NADSYN1: variants seen among roughly 807,000 people sequenced by gnomAD.
NADSYN1 encodes NAD synthetase 1.
In NADSYN1, 80 loss-of-function variants were observed where a neutral mutation model predicts 99.3. The ratio of observed to expected loss-of-function variants is 0.81; its 90% CI spans 0.67 to 0.97. The LOEUF (loss-of-function observed/expected upper bound fraction) is 0.97, where lower values mean the gene tolerates loss of function less well. Ranked by LOEUF, NADSYN1 falls within the 50% of genes least tolerant of loss-of-function variation. The probability of loss-of-function intolerance (pLI) is 0.00; values close to 1 mark genes in which losing one functional copy is unlikely to be tolerated. For missense variants in NADSYN1, 859 were observed against 948.5 expected (o/e 0.91, Z 1.24); for synonymous variants, 385 against 372.1 (o/e 1.03, Z -0.40).
intron 10 of NADSYN1, chr11:71,478,814 G>A (rs1364348057): frequency 1.8e-5 from 5 of 274,250 alleles, no homozygotes; most frequent in African/African-American, 4.3e-5. Context: ...GGCAAGCGTG[G>A]TAGGAACAGG....
Position 71,453,246 on chromosome 11 carries a change from C to G in NADSYN1, c.-51C>G, listed in dbSNP as rs1453022974. 7 of 1,545,072 alleles carry G rather than the reference C, an allele frequency of 4.5e-6. No homozygotes were observed. The highest frequency in any genetic ancestry group is 2.3e-5 in the South Asian group (2 of 88,300). ...TCCCAGCCGCCTACCTCGCTGGGAC[C>G]CTGGTCTTGCTGTCCCCCGCTGGCC... On this transcript the variant is annotated 5_prime_UTR_variant, in exon 1 of 21. Coordinates refer to ENST00000319023, the MANE Select transcript of NADSYN1 (RefSeq NM_018161.5).
intron 18 of NADSYN1, among the ~76,000 whole-genome samples, chr11:71,494,637 G>A (rs978872804): frequency 2.3e-4 from 35 of 152,060 alleles, no homozygotes; most frequent in African/African-American, 7.3e-4. Flanking sequence ...TGAAACCTCC[G>A]CCTCCCGGGT....
chr11:71,476,165 C>T (rs1949664124), intron 9 of NADSYN1: 2 of 454,452 alleles, frequency 4.4e-6, no homozygotes, highest in African/African-American at 4.0e-5. Context: ...GGGCTCAGAC[C>T]ACACGCGGGT....
At chr11:71,471,461 G>A (rs140892258) in intron 5 of NADSYN1, among the ~76,000 whole-genome samples, 6 of 152,322 alleles carry the variant, frequency 3.9e-5, no homozygotes, top group Admixed American at 2.0e-4. Flanking sequence ...CAAGGTGTGC[G>A]CTGGCTGTGG....
At chr11:71,474,353 G>A (rs776983795) in intron 8 of NADSYN1, 42 bp from the exon 9 acceptor site, 2 of 1,612,290 alleles carry the variant, frequency 1.2e-6, no homozygotes, top group South Asian at 2.2e-5. Context: ...TGAGGGTGGT[G>A]GACACAGCTG....
At chr11:71,497,433 C>G (rs1179994736) in intron 18 of NADSYN1, 50 bp from the exon 19 acceptor site, 1 of 1,611,942 alleles carries the variant, frequency 6.2e-7, no homozygotes, top group Admixed American at 1.7e-5. Flanking sequence ...TTAGGCTCTC[C>G]CCCCGCTGTG....
intron 3 of NADSYN1, chr11:71,460,928 G>A (rs1372745739): frequency 6.6e-6 from 1 of 152,172 alleles, no homozygotes; most frequent in Non-Finnish European, 1.5e-5. Context: ...GAAACAGAGT[G>A]GTGAATAGTT....
At chr11:71,480,362 CAG>C (rs1949697878) in intron 10 of NADSYN1, 1 of 188,320 alleles carries the variant, frequency 5.3e-6, no homozygotes. Context: ...TTAGTAGAGA[CAG>C]GGTTTCATCA....
At chr11:71,459,132 C>T (rs889982110) in intron 3 of NADSYN1, 1 of 161,978 alleles carries the variant, frequency 6.2e-6, no homozygotes, top group Non-Finnish European at 1.3e-5. Flanking sequence ...GAGGCCTCTG[C>T]ACACGCTGTG....
intron 9 of NADSYN1, 138 bp downstream of exon 9, chr11:71,474,664 C>T (rs910396621): frequency 8.5e-5 from 98 of 1,154,800 alleles, no homozygotes; most frequent in Non-Finnish European, 1.2e-4. Flanking sequence ...TCCTGGCTCT[C>T]CCCTGTAAGC....
Position 71,498,366 on chromosome 11 carries a change from G to C in NADSYN1, c.1908G>C (p.Val636=), listed in dbSNP as rs140194901. 478 of 1,614,088 alleles carry C rather than the reference G, an allele frequency of 3.0e-4. No individual in the cohort carries two copies. Among genetic ancestry groups the C allele is most frequent in the Non-Finnish European group, 3.9e-4 (456 of 1,180,040 alleles). Residue 636 remains valine (V), a synonymous_variant, in exon 20 of 21, where the codon GTG becomes GTC. Transcript: ENST00000319023. ...ACGCCCACCAGGTCGCTGACAAAGTGAAGCGGTTTTTCTCCAAGTACTCCA... is the reference window on the plus strand; with the variant it reads ...ACGCCCACCAGGTCGCTGACAAAGTCAAGCGGTTTTTCTCCAAGTACTCCA... The part of the protein sequence containing the change: ...ICTPRQVADK[V]KRFFSKYSMN...
chr11:71,476,953 C>T (rs1278935496), intron 9 of NADSYN1: 14 of 1,001,478 alleles, frequency 1.4e-5, no homozygotes, highest in East Asian at 1.1e-4. Context: ...AGAGCTCCGT[C>T]GTAGGCTGTG....
chr11:71,478,636 C>T, intron 10 of NADSYN1, 167 bp downstream of exon 10: 1 of 623,080 alleles, frequency 1.6e-6, no homozygotes, highest in Non-Finnish European at 2.9e-6. Flanking sequence ...CAGACAGAAC[C>T]TGCTTCCATC....
At chr11:71,486,796 C>CTTTTT (rs57662255) in intron 16 of NADSYN1, among the ~76,000 whole-genome samples, 2 of 60,968 alleles carry the variant, frequency 3.3e-5, no homozygotes, top group African/African-American at 7.5e-5. Context: ...GCGTGAGTGT[C>CTTTTT]TTTTTTTTTT....
intron 5 of NADSYN1, among the ~76,000 whole-genome samples, chr11:71,467,938 A>C (rs1459750283): frequency 6.6e-6 from 1 of 152,260 alleles, no homozygotes; most frequent in Non-Finnish European, 1.5e-5. Flanking sequence ...GCAGAACACT[A>C]AAGACACAGA....
chr11:71,461,189 C>T (rs192408999), intron 3 of NADSYN1, among the ~76,000 whole-genome samples: 1 of 152,230 alleles, frequency 6.6e-6, no homozygotes, highest in African/African-American at 2.4e-5. Context: ...AAAATGGTCA[C>T]GTAGTGAAAG....
rs1410679481 is a variant in NADSYN1 at position 71,501,653 on chromosome 11, G to A, written c.*301G>A. 1.2e-5 allele frequency: 5 copies of A among 419,074 alleles called. No individual in the cohort carries two copies. The highest frequency in any genetic ancestry group is 2.2e-5 in the Non-Finnish European group (5 of 232,532). 26.0% of individuals were successfully genotyped at this position (419,074 alleles called of 1,614,324 possible). ...GTAGGAGGGTTCCAACCGCCGCCCC[G>A]TGTGGCATCTTTGCTGCAGGAACAA... On this transcript the variant is annotated 3_prime_UTR_variant, in exon 21 of 21. Coordinates refer to ENST00000319023, the MANE Select transcript of NADSYN1 (RefSeq NM_018161.5).
chr11:71,472,533 T>G (rs774739702), intron 6 of NADSYN1, 33 bp downstream of exon 6: 2 of 1,595,388 alleles, frequency 1.3e-6, no homozygotes, highest in Middle Eastern at 3.5e-4. Flanking sequence ...CGTTTTTCAG[T>G]CGGTTGTCGC....
chr11:71,489,554 G>T (rs1949765768), intron 16 of NADSYN1, among the ~76,000 whole-genome samples: 1 of 152,242 alleles, frequency 6.6e-6, no homozygotes, highest in Non-Finnish European at 1.5e-5. Context: ...AAGAGAAAAA[G>T]TGCTAAGATG....
Sources: gnomAD v4.1 joint callset for allele counts (sites outside exome capture counted in the v4.1 genomes callset) on GRCh38, gnomAD v4.1.1 for gene constraint, MANE v1.5 for transcripts, NCBI Gene and HGNC (gene_info 2026-07-23, HGNC 2026-07-21) for gene names.